Variants in SLC4A4 observed in about 807,000 individuals in gnomAD.
SLC4A4 encodes electrogenic sodium bicarbonate cotransporter 1.
A neutral mutation model predicts 111.5 loss-of-function variants in SLC4A4; 27 were observed. The ratio of observed to expected loss-of-function variants is 0.24; its 90% CI spans 0.18 to 0.33. The LOEUF is 0.33. SLC4A4 is among the 10% of genes least tolerant of loss of function. The pLI is 1.00. For missense variants in SLC4A4, 909 were observed against 1,315.5 expected (o/e 0.69, Z 4.78); for synonymous variants, 443 against 463.4 (o/e 0.96, Z 0.57).
At chr4:71,089,156 G>T (rs1276282460) in intron 1 of SLC4A4, among the ~76,000 whole-genome samples, 1 of 151,690 alleles carries the variant, frequency 6.6e-6, no homozygotes, top group South Asian at 2.1e-4. Flanking sequence ...ATTTGATCTT[G>T]CATCACTGAT....
At chr4:71,484,890 C>A (rs1014070934) in intron 14 of SLC4A4, among the ~76,000 whole-genome samples, 3 of 151,598 alleles carry the variant, frequency 2.0e-5, no homozygotes, top group Non-Finnish European at 3.0e-5. Flanking sequence ...TAGCTGTATT[C>A]CCTAGGCATT....
rs141557443 is a variant in SLC4A4 at position 71,514,060 on chromosome 4, A to G, written c.2166+16368A>G. 2.9e-3 allele frequency among the ~76,000 whole-genome samples: 435 copies of G among 152,296 alleles called. 4 individuals carry two copies. The highest frequency in any genetic ancestry group is 9.5e-3 in the African/African-American group (393 of 41,556). On this transcript the variant is annotated intron_variant, in intron 16 of 25. Transcript: ENST00000264485. ...CTGGTATTTTGTTGAGAATTTCTGC[A>G]TCTGTGCTTATCAGAAGTATTGACC...
intron 3 of SLC4A4, among the ~76,000 whole-genome samples, chr4:71,302,564 T>A (rs1725357909): frequency 6.6e-6 from 1 of 152,176 alleles, no homozygotes; most frequent in South Asian, 2.1e-4. Flanking sequence ...TTGAACCTAA[T>A]GGGGTTGCCT....
At chr4:71,480,853 C>T (rs1310478633) in intron 14 of SLC4A4, among the ~76,000 whole-genome samples, 2 of 151,664 alleles carry the variant, frequency 1.3e-5, no homozygotes, top group African/African-American at 4.8e-5. Flanking sequence ...ATCCAAATGC[C>T]AGACATTTTA....
intron 16 of SLC4A4, among the ~76,000 whole-genome samples, chr4:71,499,972 T>C (rs1369944926): frequency 6.6e-6 from 1 of 152,154 alleles, no homozygotes; most frequent in East Asian, 1.9e-4. Context: ...CATATAGTAG[T>C]TCTGGTTTTT....
At chr4:71,157,666 G>A (rs1560750030) in intron 2 of SLC4A4, among the ~76,000 whole-genome samples, 2 of 152,122 alleles carry the variant, frequency 1.3e-5, no homozygotes, top group African/African-American at 4.8e-5. Context: ...TTTTCAGCCA[G>A]TTTTTGATTA....
upstream of SLC4A4, among the ~76,000 whole-genome samples, chr4:71,186,547 C>T (rs1423136594): frequency 1.3e-5 from 2 of 151,980 alleles, no homozygotes; most frequent in South Asian, 2.1e-4. Flanking sequence ...GGAGCCGGGT[C>T]CTCCGCCAGC....
intron 3 of SLC4A4, among the ~76,000 whole-genome samples, chr4:71,283,544 C>T (rs554611591): frequency 3.1e-4 from 47 of 152,264 alleles, no homozygotes; most frequent in African/African-American, 1.1e-3. Context: ...TCCATAGCCT[C>T]GTTACCCCAG....
In SLC4A4 at chr4:71,563,207, C is replaced by T. The variant is rs145001371; in HGVS notation, c.3100-586C>T. On this transcript the variant is annotated intron_variant, in intron 23 of 25. Coordinates refer to ENST00000264485, the MANE Select transcript of SLC4A4 (RefSeq NM_001098484.3). ...ATTTTATTTTCTTATGTTTTGCTTACATTTTCAGATATCTTTGGCACAAGC... is the reference window on the plus strand; with the variant it reads ...ATTTTATTTTCTTATGTTTTGCTTATATTTTCAGATATCTTTGGCACAAGC... 5.6e-3 allele frequency among the ~76,000 whole-genome samples: 852 copies of T among 151,844 alleles called. 4 individuals are homozygous for T. Among genetic ancestry groups the T allele is most frequent in the Middle Eastern group, 0.014 (4 of 294 alleles).
At chr4:71,245,586 G>A (rs920677342) in intron 2 of SLC4A4, among the ~76,000 whole-genome samples, 1 of 152,062 alleles carries the variant, frequency 6.6e-6, no homozygotes, top group Non-Finnish European at 1.5e-5. Context: ...AAGAGTGGTG[G>A]GGGATGATAG....
chr4:71,313,704 A>G (rs2148857862), intron 3 of SLC4A4, among the ~76,000 whole-genome samples: 1 of 152,314 alleles, frequency 6.6e-6, no homozygotes, highest in East Asian at 1.9e-4. Flanking sequence ...TGCTGGGAAA[A>G]CTGGCTAGCC....
At position 71,195,193 on chromosome 4, in the gene SLC4A4, A is replaced by G. The variant is rs1026468501; in HGVS notation, c.-2+7792A>G. 5.3e-5 allele frequency among the ~76,000 whole-genome samples: 8 copies of G among 151,126 alleles called. No individual in the cohort carries two copies. In the South Asian group the frequency reaches 1.7e-3, roughly 32 times the overall value. ...GAAATCTAGTTAGATTTTCTTACCC[A>G]AAGACTGATGTTCTTTTCCTTTTTT... On this transcript the variant is annotated intron_variant, in intron 1 of 25. Coordinates refer to ENST00000264485, the MANE Select transcript of SLC4A4 (RefSeq NM_001098484.3).
intron 3 of SLC4A4, among the ~76,000 whole-genome samples, chr4:71,310,201 T>G (rs2602065): frequency 6.6e-6 from 1 of 151,976 alleles, no homozygotes; most frequent in Non-Finnish European, 1.5e-5. Context: ...ACCAAACCTA[T>G]GATTGATTGG....
chr4:71,403,714 G>A (rs999617627), intron 7 of SLC4A4, among the ~76,000 whole-genome samples: 10 of 152,198 alleles, frequency 6.6e-5, no homozygotes, highest in Admixed American at 5.9e-4. Context: ...AAAATAGGCC[G>A]GAGGACCTTT....
chr4:71,325,816 G>A (rs895241837), intron 3 of SLC4A4, among the ~76,000 whole-genome samples: 3 of 151,922 alleles, frequency 2.0e-5, no homozygotes, highest in Non-Finnish European at 4.4e-5. Flanking sequence ...AAGAAAATGG[G>A]ATGCTGTCAT....
At chr4:71,076,845 G>A (rs1453559529) in intron 1 of SLC4A4, among the ~76,000 whole-genome samples, 1 of 151,724 alleles carries the variant, frequency 6.6e-6, no homozygotes, top group Non-Finnish European at 1.5e-5. Context: ...ACAAAAATTA[G>A]CCTGGCATGA....
At chr4:71,339,279 A>T in intron 3 of SLC4A4, 91 bp from the exon 4 acceptor site, 1 of 1,614,230 alleles carries the variant, frequency 6.2e-7, no homozygotes, top group Non-Finnish European at 8.5e-7. Flanking sequence ...AGGGAAGCCC[A>T]GTAACCTTGG....
At chr4:71,434,085 A>G (rs1349974536) in intron 7 of SLC4A4, among the ~76,000 whole-genome samples, 5 of 152,066 alleles carry the variant, frequency 3.3e-5, no homozygotes, top group African/African-American at 9.7e-5. Flanking sequence ...TACATTTTAC[A>G]TGATAATTAT....
chr4:71,193,990 A>G (rs978582946), intron 1 of SLC4A4, among the ~76,000 whole-genome samples: 7 of 152,224 alleles, frequency 4.6e-5, no homozygotes, highest in Non-Finnish European at 1.0e-4. Flanking sequence ...CCAAACCAAA[A>G]CAATATTAAA....
Sources: allele counts gnomAD v4.1 joint callset (sites outside exome capture counted in the v4.1 genomes callset), GRCh38; gene constraint gnomAD v4.1.1; transcripts MANE v1.5; gene names NCBI Gene and HGNC (gene_info 2026-07-23, HGNC 2026-07-21).